The following CNTNAP2 variants were observed in gnomAD, a reference collection of about 807,000 sequenced individuals.
The protein encoded by CNTNAP2 is contactin associated protein 2.
A neutral mutation model predicts 155.2 loss-of-function variants in CNTNAP2; 98 were observed. The ratio of observed to expected loss-of-function variants is 0.63; its 90% CI spans 0.54 to 0.75. CNTNAP2 has a LOEUF of 0.75. Among genes scored for constraint, CNTNAP2 ranks in the 30% least tolerant of loss-of-function variants. The pLI is 0.00. For synonymous variants in CNTNAP2, 651 were observed against 631.2 expected (o/e 1.03, Z -0.47); for missense variants, 1,727 against 1,688.1 (o/e 1.02, Z -0.40).
chr7:146,946,901 T>C (rs1460967044), intron 3 of CNTNAP2, among the ~76,000 whole-genome samples: 1 of 152,082 alleles, frequency 6.6e-6, no homozygotes, highest in African/African-American at 2.4e-5. Flanking sequence ...AAAGAGCAAA[T>C]ACAAGCATTC....
At chr7:147,790,308 TTC>T (rs1054901100) in intron 13 of CNTNAP2, among the ~76,000 whole-genome samples, 2 of 152,228 alleles carry the variant, frequency 1.3e-5, no homozygotes, top group Non-Finnish European at 2.9e-5. Flanking sequence ...CCTATTTATT[TTC>T]TGTCTTTCTT....
At chr7:147,767,190 A>G (rs149590579) in intron 13 of CNTNAP2, among the ~76,000 whole-genome samples, 103 of 152,238 alleles carry the variant, frequency 6.8e-4, no homozygotes, top group African/African-American at 2.3e-3. Flanking sequence ...TGTAAAGTAC[A>G]ATATGTAAAC....
intron 11 of CNTNAP2, among the ~76,000 whole-genome samples, chr7:147,549,568 C>T (rs1331770988): frequency 1.3e-5 from 2 of 152,010 alleles, no homozygotes; most frequent in African/African-American, 4.8e-5. Context: ...GGACTTCTAA[C>T]CTGCGGAGCT....
chr7:147,074,808 T>G (rs1288931699), intron 4 of CNTNAP2, among the ~76,000 whole-genome samples: 1 of 152,212 alleles, frequency 6.6e-6, no homozygotes, highest in Non-Finnish European at 1.5e-5. Context: ...GAAAGTGAGA[T>G]TGCCATCAAG....
chr7:146,431,685 A>T (rs1796175385), intron 1 of CNTNAP2, among the ~76,000 whole-genome samples: 1 of 152,094 alleles, frequency 6.6e-6, no homozygotes, highest in African/African-American at 2.4e-5. Flanking sequence ...ATCAATAGAC[A>T]AAAGTCACAC....
chr7:146,751,658 T>C (rs539310518), intron 1 of CNTNAP2, among the ~76,000 whole-genome samples: 1 of 152,294 alleles, frequency 6.6e-6, no homozygotes, highest in Non-Finnish European at 1.5e-5. Flanking sequence ...GTGCAGAATG[T>C]GCAGGTTTGT....
chr7:146,141,651 G>A (rs373965908), intron 1 of CNTNAP2, among the ~76,000 whole-genome samples: 26 of 151,938 alleles, frequency 1.7e-4, no homozygotes, highest in African/African-American at 5.8e-4. Context: ...TCCTACTTTA[G>A]GTGGTTTTCT....
intron 13 of CNTNAP2, among the ~76,000 whole-genome samples, chr7:147,748,242 GT>G (rs1347131923): frequency 1.3e-5 from 2 of 152,122 alleles, no homozygotes; most frequent in Non-Finnish European, 2.9e-5. Context: ...TACATTAGAA[GT>G]TTTTTGAAGT....
In CNTNAP2 at chr7:146,430,086, G is replaced by T. The variant is rs548014028; in HGVS notation, c.97+313113G>T. On this transcript the variant is annotated intron_variant, in intron 1 of 23. Transcript: ENST00000361727. ...GGGATGAAGCCAACTTGATTGTGTT[G>T]GATAAGATTTGATGTGCTGCTAGAT... Among the ~76,000 whole-genome samples, 12 of 152,078 alleles carry T rather than the reference G, an allele frequency of 7.9e-5. No homozygotes were observed. In the East Asian group the frequency reaches 2.3e-3, roughly 29 times the overall value.
chr7:147,363,562 A>G (rs34459574), intron 9 of CNTNAP2, among the ~76,000 whole-genome samples: 36,639 of 152,068 alleles, frequency 0.24, 4,863 homozygotes, highest in Non-Finnish European at 0.3. Flanking sequence ...TATTCTGATC[A>G]TACCTCAAAT....
intron 8 of CNTNAP2, among the ~76,000 whole-genome samples, chr7:147,207,506 ATTCAAG>A (rs934968035): frequency 1.7e-4 from 26 of 152,164 alleles, no homozygotes; most frequent in African/African-American, 6.0e-4. Flanking sequence ...GCATCATTCT[ATTCAAG>A]TTCAACTTTA....
intron 14 of CNTNAP2, among the ~76,000 whole-genome samples, chr7:147,970,284 A>T (rs1326194347): frequency 6.6e-6 from 1 of 152,230 alleles, no homozygotes; most frequent in Non-Finnish European, 1.5e-5. Context: ...CTAGACATTA[A>T]TCAAAAATCT....
At chr7:146,817,729 T>C (rs1259751147) in intron 2 of CNTNAP2, among the ~76,000 whole-genome samples, 1 of 152,076 alleles carries the variant, frequency 6.6e-6, no homozygotes, top group East Asian at 1.9e-4. Context: ...TCCCTCATCA[T>C]GATGAGAACA....
chr7:147,633,973 T>C (rs369810624), intron 12 of CNTNAP2, among the ~76,000 whole-genome samples: 11 of 152,126 alleles, frequency 7.2e-5, no homozygotes, highest in Admixed American at 5.2e-4. Context: ...GGCATGGATG[T>C]GGTGAAAAGG....
At chr7:146,740,631 C>A (rs1801695980) in intron 1 of CNTNAP2, among the ~76,000 whole-genome samples, 1 of 152,200 alleles carries the variant, frequency 6.6e-6, no homozygotes, top group East Asian at 1.9e-4. Context: ...GCGCATCAGA[C>A]TCCTGAGCCA....
At chr7:148,011,801 C>A (rs2116906093) in intron 15 of CNTNAP2, among the ~76,000 whole-genome samples, 1 of 152,310 alleles carries the variant, frequency 6.6e-6, no homozygotes. Flanking sequence ...AGGAGAATAG[C>A]TCTTCCTTAT....
intron 13 of CNTNAP2, among the ~76,000 whole-genome samples, chr7:147,807,150 A>G (rs1331120808): frequency 1.3e-5 from 2 of 151,706 alleles, no homozygotes; most frequent in Non-Finnish European, 2.9e-5. Context: ...CTATCTCTAC[A>G]AAAGAATAAA....
chr7:147,929,092 C>CAAAAAAAAA (rs66584239), intron 14 of CNTNAP2, among the ~76,000 whole-genome samples: 7 of 34,622 alleles, frequency 2.0e-4, no homozygotes, highest in African/African-American at 4.7e-4. Flanking sequence ...AACTCCATCC[C>CAAAAAAAAA]AAAAAAAAAA....
chr7:146,262,860 G>A (rs73457978), intron 1 of CNTNAP2, among the ~76,000 whole-genome samples: 2,960 of 152,242 alleles, frequency 0.019, 119 homozygotes, highest in African/African-American at 0.067. Flanking sequence ...CAAATATGCA[G>A]AAAGTAATTG....
Sources: allele counts gnomAD v4.1 joint callset (sites outside exome capture counted in the v4.1 genomes callset), GRCh38; gene constraint gnomAD v4.1.1; transcripts MANE v1.5; gene names NCBI Gene and HGNC (gene_info 2026-07-23, HGNC 2026-07-21).